NFE2L2: variants seen among roughly 807,000 people sequenced by gnomAD.
NFE2L2 encodes the protein NFE2 like bZIP transcription factor 2, also known as nuclear factor erythroid 2-related factor 2.
Under a neutral mutation model 49.6 loss-of-function variants are expected in NFE2L2, and 20 were observed. The observed-to-expected ratio is 0.40, with a 90% confidence interval of 0.28 to 0.59. The LOEUF (loss-of-function observed/expected upper bound fraction) is 0.59, where lower values mean the gene tolerates loss of function less well. Ranked by LOEUF, NFE2L2 falls within the 20% of genes least tolerant of loss-of-function variation. NFE2L2 has a pLI of 0.40. For synonymous variants in NFE2L2, 244 were observed against 256.5 expected, an observed-to-expected ratio of 0.95 and a Z score of 0.47; for missense variants, 578 against 714.2, an observed-to-expected ratio of 0.81 and a Z score of 2.17.
At chr2:177,257,167 C>T (rs1327397815) in intron 1 of NFE2L2, among the ~76,000 whole-genome samples, 2 of 152,196 alleles carry the variant, frequency 1.3e-5, no homozygotes, top group South Asian at 2.1e-4. Context: ...TTGTTTTTAA[C>T]GGAGGAAGAT....
intron 1 of NFE2L2, among the ~76,000 whole-genome samples, chr2:177,253,374 G>A (rs1297089532): frequency 6.6e-6 from 1 of 152,144 alleles, no homozygotes; most frequent in Non-Finnish European, 1.5e-5. Flanking sequence ...CTAGACATCA[G>A]AATTACACAA....
intron 1 of NFE2L2, among the ~76,000 whole-genome samples, chr2:177,260,321 A>C (rs930636120): frequency 1.3e-5 from 2 of 152,224 alleles, no homozygotes; most frequent in Non-Finnish European, 1.5e-5. Context: ...CAAGCATTTA[A>C]ATGCCCTGAG....
chr2:177,238,184 T>G (rs1689820461), intron 1 of NFE2L2, among the ~76,000 whole-genome samples: 1 of 152,334 alleles, frequency 6.6e-6, no homozygotes, highest in African/African-American at 2.4e-5. Flanking sequence ...TTCCTGGGCC[T>G]GAGGTTTTTT....
intron 1 of NFE2L2, among the ~76,000 whole-genome samples, chr2:177,259,388 C>G (rs1472694493): frequency 6.6e-6 from 1 of 152,104 alleles, no homozygotes; most frequent in Non-Finnish European, 1.5e-5. Context: ...ACCAAATAAA[C>G]TTACATGCTC....
intron 1 of NFE2L2, among the ~76,000 whole-genome samples, chr2:177,235,597 A>G (rs1368970123): frequency 6.6e-6 from 1 of 152,196 alleles, no homozygotes; most frequent in Non-Finnish European, 1.5e-5. Flanking sequence ...TGGGAGGCCA[A>G]GGCAGGAGGA....
intron 1 of NFE2L2, among the ~76,000 whole-genome samples, chr2:177,254,784 G>C (rs1338844218): frequency 2.0e-5 from 3 of 152,198 alleles, no homozygotes; most frequent in Non-Finnish European, 4.4e-5. Context: ...AACAAGCAGA[G>C]AATAGGGATT....
At chr2:177,258,521 T>C (rs1690613738) in intron 1 of NFE2L2, among the ~76,000 whole-genome samples, 1 of 152,200 alleles carries the variant, frequency 6.6e-6, no homozygotes, top group South Asian at 2.1e-4. Flanking sequence ...ACAGTGATGG[T>C]TGCATAACTC....
intron 3 of NFE2L2, chr2:177,232,966 A>T (rs1574258991): frequency 2.0e-6 from 1 of 492,070 alleles, no homozygotes; most frequent in East Asian, 3.3e-5. Context: ...CTTGCAGCAA[A>T]TGGGTTATTT....
In NFE2L2 at chr2:177,230,801, T is replaced by A; in HGVS notation, c.1802A>T (p.Asp601Val). 1.3e-6 allele frequency: 2 copies of A among 1,586,102 alleles called. No homozygotes were observed. Among genetic ancestry groups the A allele is most frequent in the Admixed American group, 1.9e-5 (1 of 51,824 alleles). Residue 601 changes from aspartate to valine, a missense_variant, in exon 5 of 5, where the codon GAT becomes GTT. By Grantham distance (152) the Asp-to-Val change is radical. This residue lies in a region of NFE2L2 where 117 missense variants were observed against 175.8 expected (regional missense o/e 0.67). Coordinates refer to ENST00000397062, the MANE Select transcript of NFE2L2 (RefSeq NM_006164.5). The part of the protein sequence containing the change: ...VFLVPKSKKP[D>V]VKKN Reference sequence around the variant, plus strand: ...CTCCTAAATCTAGTTTTTCTTAACATCTGGCTTCTTACTTTTGGGAACAAG... The same window carrying A: ...CTCCTAAATCTAGTTTTTCTTAACAACTGGCTTCTTACTTTTGGGAACAAG...
At chr2:177,233,061 TC>T in intron 3 of NFE2L2, 188 bp downstream of exon 3, 1 of 563,336 alleles carries the variant, frequency 1.8e-6, no homozygotes. Context: ...TTTTTTTTTT[TC>T]TTAATTGTAA....
chr2:177,235,756 A>T (rs1689728545), intron 1 of NFE2L2, among the ~76,000 whole-genome samples: 1 of 151,912 alleles, frequency 6.6e-6, no homozygotes, highest in Non-Finnish European at 1.5e-5. Context: ...GAGCCCAGGA[A>T]GTCAAGGCCA....
intron 3 of NFE2L2, chr2:177,232,817 G>GT (rs1689602349): frequency 9.5e-6 from 5 of 524,484 alleles, no homozygotes; most frequent in Non-Finnish European, 1.7e-5. Context: ...TTTAAAATGC[G>GT]TAAGTACAAT....
chr2:177,245,726 C>T (rs1178969205), intron 1 of NFE2L2, among the ~76,000 whole-genome samples: 2 of 152,130 alleles, frequency 1.3e-5, no homozygotes, highest in Non-Finnish European at 2.9e-5. Flanking sequence ...TCTCCTGCCT[C>T]AGCCTCCCGA....
chr2:177,247,341 T>C (rs1298191403), intron 1 of NFE2L2, among the ~76,000 whole-genome samples: 2 of 151,802 alleles, frequency 1.3e-5, no homozygotes, highest in Non-Finnish European at 2.9e-5. Flanking sequence ...CTTCCCACTA[T>C]CTCTTAACAA....
chr2:177,261,936 T>C (rs970913649), intron 1 of NFE2L2, among the ~76,000 whole-genome samples: 10 of 152,140 alleles, frequency 6.6e-5, no homozygotes, highest in Non-Finnish European at 1.5e-4. Flanking sequence ...TTAAACATGA[T>C]TTATCCTCAA....
chr2:177,245,661 G>A (rs1690097501), intron 1 of NFE2L2, among the ~76,000 whole-genome samples: 1 of 151,904 alleles, frequency 6.6e-6, no homozygotes, highest in Non-Finnish European at 1.5e-5. Flanking sequence ...CTAGGCTGGA[G>A]TGCAGTGGCA....
At chr2:177,260,469 G>A (rs904320234) in intron 1 of NFE2L2, among the ~76,000 whole-genome samples, 1 of 152,176 alleles carries the variant, frequency 6.6e-6, no homozygotes, top group Non-Finnish European at 1.5e-5. Flanking sequence ...ATTTTGAGAT[G>A]TACTATTCTC....
intron 1 of NFE2L2, among the ~76,000 whole-genome samples, chr2:177,253,174 A>C (rs148002504): frequency 4.6e-5 from 7 of 152,224 alleles, no homozygotes; most frequent in Non-Finnish European, 1.0e-4. Flanking sequence ...AAGTCTAGTT[A>C]AAATGGCAGT....
intron 1 of NFE2L2, among the ~76,000 whole-genome samples, chr2:177,256,334 A>C (rs1690522515): frequency 6.6e-6 from 1 of 152,168 alleles, no homozygotes; most frequent in African/African-American, 2.4e-5. Flanking sequence ...TTTATGCGGA[A>C]GCAGAGCAGA....
Sources: allele counts gnomAD v4.1 joint callset (sites outside exome capture counted in the v4.1 genomes callset), GRCh38; gene constraint gnomAD v4.1.1; regional missense constraint gnomAD v4.1.1; transcripts MANE v1.5; gene names NCBI Gene and HGNC (gene_info 2026-07-23, HGNC 2026-07-21).